LHX6: variants seen among roughly 807,000 people sequenced by gnomAD.
LHX6 encodes LIM homeobox 6.
Under a neutral mutation model 47.1 loss-of-function variants are expected in LHX6, and 15 were observed. The observed-to-expected ratio is 0.32, with a 90% CI of 0.21 to 0.49. The LOEUF (loss-of-function observed/expected upper bound fraction) is 0.49. LHX6 is among the 20% of genes least tolerant of loss of function. LHX6 has a pLI of 0.99. For synonymous variants in LHX6, 242 were observed against 233.5 expected, an observed-to-expected ratio of 1.04 and a Z score of -0.33; for missense variants, 404 against 539.6, an observed-to-expected ratio of 0.75 and a Z score of 2.49.
chr9:122,215,368 C>A (rs755083967), intron 5 of LHX6, among the ~76,000 whole-genome samples: 2 of 152,130 alleles, frequency 1.3e-5, no homozygotes, highest in Admixed American at 6.5e-5. Flanking sequence ...CTACAATGAA[C>A]GTGTGTGTAT....
chr9:122,227,792 C>A, intron 1 of LHX6: 1 of 403,350 alleles, frequency 2.5e-6, no homozygotes. Context: ...CACACACACA[C>A]AAACTACCTG....
At chr9:122,224,898 A>G (rs1309705803) in intron 4 of LHX6, among the ~76,000 whole-genome samples, 1 of 151,762 alleles carries the variant, frequency 6.6e-6, no homozygotes, top group Non-Finnish European at 1.5e-5. Context: ...ACACACAGGC[A>G]CTCCTTGCAC....
intron 1 of LHX6, chr9:122,228,298 G>T (rs901867540): frequency 1.3e-6 from 2 of 1,534,816 alleles, no homozygotes; most frequent in African/African-American, 1.4e-5. Context: ...CCCTCGGCGC[G>T]CCGGGTACCG....
chr9:122,209,294 G>A (rs537924405), intron 9 of LHX6, among the ~76,000 whole-genome samples: 1 of 152,350 alleles, frequency 6.6e-6, no homozygotes, highest in East Asian at 1.9e-4. Context: ...TGAGATGATG[G>A]GAAGTGGGGT....
intron 2 of LHX6, 152 bp downstream of exon 2, chr9:122,227,257 C>T (rs1831142441): frequency 2.2e-6 from 2 of 913,492 alleles, no homozygotes; most frequent in African/African-American, 1.8e-5. Flanking sequence ...AGCCAACATT[C>T]CCTGCCGGAA....
At chr9:122,224,175 G>A (rs914339791) in intron 4 of LHX6, among the ~76,000 whole-genome samples, 4 of 152,160 alleles carry the variant, frequency 2.6e-5, no homozygotes, top group East Asian at 3.9e-4. Flanking sequence ...CTACAGGCAC[G>A]TGCCACCACA....
rs1830035646 is a variant in LHX6 at position 122,202,729 on chromosome 9, C to T, written c.*2031G>A. The T allele has an allele frequency of 6.6e-6, 1 of 152,510 alleles. No homozygotes were observed. Among genetic ancestry groups the T allele is most frequent in the Non-Finnish European group, 1.5e-5 (1 of 68,022 alleles). 9.4% of individuals were successfully genotyped at this position (152,510 alleles called of 1,614,324 possible). On this transcript the variant is annotated 3_prime_UTR_variant, in exon 10 of 10. Transcript: ENST00000394319. Reference sequence around the variant, plus strand: ...ATTTTTTTTCCGTGTGTGTGTTTTCCCCTTTTTTTGTATTTAAATAAATAG... The same window carrying T: ...ATTTTTTTTCCGTGTGTGTGTTTTCTCCTTTTTTTGTATTTAAATAAATAG...
chr9:122,223,781 T>A (rs1008028266), intron 4 of LHX6, among the ~76,000 whole-genome samples: 7 of 152,130 alleles, frequency 4.6e-5, no homozygotes, highest in East Asian at 1.9e-4. Context: ...AAGCACAGTA[T>A]CCAAGGAGGC....
At chr9:122,209,138 T>C (rs1263812359) in intron 9 of LHX6, among the ~76,000 whole-genome samples, 1 of 152,182 alleles carries the variant, frequency 6.6e-6, no homozygotes, top group Non-Finnish European at 1.5e-5. Flanking sequence ...AGAAGTGCAG[T>C]CCTAAAGCCT....
chr9:122,221,963 A>T (rs965155618), intron 4 of LHX6, among the ~76,000 whole-genome samples: 5 of 152,022 alleles, frequency 3.3e-5, no homozygotes, highest in African/African-American at 1.2e-4. Flanking sequence ...CCTCGATCCC[A>T]CCCCCACGCC....
intron 5 of LHX6, among the ~76,000 whole-genome samples, chr9:122,216,045 G>GGTGGT (rs1277996252): frequency 5.3e-5 from 8 of 152,194 alleles, no homozygotes; most frequent in Non-Finnish European, 8.8e-5. Context: ...TTAGGGCCAA[G>GGTGGT]GTGGTGTGGT....
intron 4 of LHX6, among the ~76,000 whole-genome samples, chr9:122,223,110 A>T (rs1385103912): frequency 1.3e-5 from 2 of 152,210 alleles, no homozygotes; most frequent in African/African-American, 4.8e-5. Flanking sequence ...TGCAGACAAT[A>T]GTCCTTGCCT....
At chr9:122,215,420 A>T (rs1328011126) in intron 5 of LHX6, among the ~76,000 whole-genome samples, 1 of 152,212 alleles carries the variant, frequency 6.6e-6, no homozygotes, top group Non-Finnish European at 1.5e-5. Flanking sequence ...AGTAGCCAAT[A>T]CTGAGGGCTG....
At chr9:122,210,072 C>CGCCG (rs1554808177) in intron 8 of LHX6, among the ~76,000 whole-genome samples, 9 of 152,052 alleles carry the variant, frequency 5.9e-5, no homozygotes, top group Non-Finnish European at 8.8e-5. Context: ...GACGGGGTTT[C>CGCCG]ACCGTGTTAG....
At chr9:122,215,917 G>C (rs1254076028) in intron 5 of LHX6, among the ~76,000 whole-genome samples, 1 of 152,158 alleles carries the variant, frequency 6.6e-6, no homozygotes, top group Non-Finnish European at 1.5e-5. Context: ...TGTCCCCTAG[G>C]AAAGCAGGCA....
rs1270683034 is a variant in LHX6, at chr9:122,202,922, A to G, written c.*1838T>C. On this transcript the variant is annotated 3_prime_UTR_variant, in exon 10 of 10. Coordinates refer to ENST00000394319, the MANE Select transcript of LHX6 (RefSeq NM_014368.5). ...GGTAGGGCTTGGTTGGCCACTTACC[A>G]CATGGTTGCCACTGGGGCCTTGATG... 1 of 152,404 alleles carries G rather than the reference A, an allele frequency of 6.6e-6. No homozygotes were observed. Among genetic ancestry groups the G allele is most frequent in the African/African-American group, 2.4e-5 (1 of 41,442 alleles). The allele number at this position is 152,404 out of a possible 1,614,324, so 9.4% of individuals were successfully genotyped here. A position where few individuals can be genotyped will look rare whatever the true frequency, so the allele number is the denominator to read the frequency against.
In LHX6 at chr9:122,208,170, C is replaced by T. The variant is rs1336425279; in HGVS notation, c.1158+1444G>A. ...TTCCACCTGGCAGCCTCAAGGCTCT[C>T]GCTTTCCTCCTCTCATCCTCCCAGA... On this transcript the variant is annotated intron_variant, in intron 9 of 9. Transcript: ENST00000394319. Among the ~76,000 whole-genome samples, 3 of 152,284 alleles carry T rather than the reference C, an allele frequency of 2.0e-5. No individual in the cohort carries two copies. In the East Asian group the frequency reaches 5.8e-4, roughly 29 times the overall value.
rs1830038729 is a variant in LHX6 at position 122,202,820 on chromosome 9, C to T, written c.*1940G>A. ...TAGTGGAGACATGTTTGAACTGTAA[C>T]ATGCTACGGCCACATAATCCACGCA... is the stretch of plus-strand genomic sequence containing the variant. On this transcript the variant is annotated 3_prime_UTR_variant, in exon 10 of 10. Transcript: ENST00000394319. 6.6e-6 allele frequency: 1 copy of T among 152,500 alleles called. No individual in the cohort carries two copies. The highest frequency in any genetic ancestry group is 2.1e-4 in the South Asian group (1 of 4,832). 9.4% of individuals were successfully genotyped at this position (152,500 alleles called of 1,614,324 possible). A position where few individuals can be genotyped will look rare whatever the true frequency, so the allele number is the denominator to read the frequency against.
Position 122,226,585 on chromosome 9 carries a change from G to T in LHX6, c.340-88C>A. ...CTTCCCGGTCTCATTTACAGTCAGA[G>T]GCGCTGAAGCTCAGAAGGTGCATGC... On this transcript the variant is annotated intron_variant, in intron 3 of 9. Coordinates refer to ENST00000394319, the MANE Select transcript of LHX6 (RefSeq NM_014368.5). The surrounding 1 kb of genome is among the most constrained non-coding windows in gnomAD (Gnocchi z 6.5). 6.5e-7 allele frequency: 1 copy of T among 1,540,546 alleles called. No individual in the cohort carries two copies. The highest frequency in any genetic ancestry group is 8.7e-7 in the Non-Finnish European group (1 of 1,147,704).
Sources: allele counts gnomAD v4.1 joint callset (sites outside exome capture counted in the v4.1 genomes callset), GRCh38; gene constraint gnomAD v4.1.1; non-coding constraint Gnocchi (gnomAD v3.1); transcripts MANE v1.5; gene names NCBI Gene and HGNC (gene_info 2026-07-23, HGNC 2026-07-21).